ARHGEF28: variants seen among roughly 807,000 people sequenced by gnomAD.
ARHGEF28 encodes Rho guanine nucleotide exchange factor 28, also known as 190 kDa guanine nucleotide exchange factor.
A neutral mutation model predicts 206.6 loss-of-function variants in ARHGEF28; 152 were observed. That is an observed-to-expected ratio of 0.74 (90% CI 0.64 to 0.84). The LOEUF (loss-of-function observed/expected upper bound fraction) is 0.84, where lower values mean the gene tolerates loss of function less well. Ranked by LOEUF, ARHGEF28 falls within the 40% of genes least tolerant of loss-of-function variation. ARHGEF28 has a pLI of 0.00. For synonymous variants in ARHGEF28, 763 were observed against 776.4 expected, an observed-to-expected ratio of 0.98 and a Z score of 0.29; for missense variants, 2,028 against 2,073.2, an observed-to-expected ratio of 0.98 and a Z score of 0.42.
chr5:73,790,440 G>A (rs1462986053), intron 7 of ARHGEF28, among the ~76,000 whole-genome samples: 5 of 152,122 alleles, frequency 3.3e-5, no homozygotes, highest in Admixed American at 6.6e-5. Flanking sequence ...AAAATGATAT[G>A]CCAAGGAGCA....
chr5:73,914,870 A>T (rs1382881808), intron 35 of ARHGEF28, among the ~76,000 whole-genome samples: 2 of 152,176 alleles, frequency 1.3e-5, no homozygotes, highest in Admixed American at 6.5e-5. Context: ...CAGCCTCCTG[A>T]GTAGATGGGA....
intron 2 of ARHGEF28, among the ~76,000 whole-genome samples, chr5:73,685,737 C>T (rs1201460535): frequency 6.6e-6 from 1 of 152,178 alleles, no homozygotes; most frequent in Non-Finnish European, 1.5e-5. Flanking sequence ...ATTCCCCTGC[C>T]TCAGCCTCCC....
At chr5:73,892,825 G>A (rs2112687441) in intron 27 of ARHGEF28, among the ~76,000 whole-genome samples, 1 of 152,276 alleles carries the variant, frequency 6.6e-6, no homozygotes, top group South Asian at 2.1e-4. Context: ...AGTTTGATTA[G>A]TTAGATCCTG....
At chr5:73,909,195 T>C in intron 33 of ARHGEF28, 4 of 501,280 alleles carry the variant, frequency 8.0e-6, no homozygotes, top group Non-Finnish European at 9.9e-6. Flanking sequence ...TTCTTTTCTC[T>C]ATAAATTCAC....
intron 4 of ARHGEF28, among the ~76,000 whole-genome samples, chr5:73,767,325 G>A (rs772608617): frequency 6.6e-6 from 1 of 152,084 alleles, no homozygotes; most frequent in Non-Finnish European, 1.5e-5. Context: ...AACAGGCAGG[G>A]GTTGGAACAA....
chr5:73,782,482 T>G (rs1753907910), intron 7 of ARHGEF28, among the ~76,000 whole-genome samples: 1 of 151,844 alleles, frequency 6.6e-6, no homozygotes, highest in South Asian at 2.1e-4. Context: ...AAAAAACTAG[T>G]GTTAGAGAAG....
intron 2 of ARHGEF28, among the ~76,000 whole-genome samples, chr5:73,709,035 G>A (rs889906610): frequency 1.3e-5 from 2 of 152,026 alleles, no homozygotes; most frequent in African/African-American, 4.8e-5. Context: ...TTTGAATGGG[G>A]TTATTTGTTT....
At chr5:73,761,668 A>C (rs945449562) in intron 4 of ARHGEF28, among the ~76,000 whole-genome samples, 4 of 152,114 alleles carry the variant, frequency 2.6e-5, no homozygotes, top group African/African-American at 9.7e-5. Context: ...CCATATACCT[A>C]CTGTCCTTTT....
At chr5:73,855,797 T>C (rs1186107404) in intron 14 of ARHGEF28, among the ~76,000 whole-genome samples, 1 of 152,092 alleles carries the variant, frequency 6.6e-6, no homozygotes, top group Non-Finnish European at 1.5e-5. Flanking sequence ...AAATTGTGCA[T>C]TTGTAAGTTT....
intron 4 of ARHGEF28, among the ~76,000 whole-genome samples, chr5:73,768,216 C>T (rs1753016020): frequency 6.6e-6 from 1 of 152,224 alleles, no homozygotes; most frequent in East Asian, 1.9e-4. Flanking sequence ...TGGGACCCCC[C>T]ACACAGAGTT....
intron 1 of ARHGEF28, among the ~76,000 whole-genome samples, chr5:73,661,893 G>T (rs1745617776): frequency 6.6e-6 from 1 of 152,174 alleles, no homozygotes; most frequent in African/African-American, 2.4e-5. Flanking sequence ...TTTTCAAAAT[G>T]TGACACAGAG....
intron 9 of ARHGEF28, among the ~76,000 whole-genome samples, chr5:73,816,900 C>G (rs1756248175): frequency 6.6e-6 from 1 of 152,150 alleles, no homozygotes; most frequent in South Asian, 2.1e-4. Flanking sequence ...TGGAGTGGGC[C>G]AGAATCCATT....
chr5:73,932,303 C>T (rs533701290), intron 35 of ARHGEF28, among the ~76,000 whole-genome samples: 19 of 152,250 alleles, frequency 1.2e-4, no homozygotes, highest in East Asian at 1.2e-3. Context: ...GAAGTTACCG[C>T]GTTAGCCTAG....
At chr5:73,897,822 TA>T (rs1561495100) in intron 29 of ARHGEF28, 139 bp from the exon 30 acceptor site, 1 of 976,098 alleles carries the variant, frequency 1.0e-6, no homozygotes, top group Non-Finnish European at 1.4e-6. Context: ...TGACAACCTT[TA>T]AAAATGTAAA....
chr5:73,710,150 A>G (rs1749157064), intron 2 of ARHGEF28, among the ~76,000 whole-genome samples: 1 of 152,236 alleles, frequency 6.6e-6, no homozygotes, highest in Non-Finnish European at 1.5e-5. Context: ...TTTCCAAAGT[A>G]GCTGTTTTGT....
At chr5:73,764,432 A>C (rs905503967) in intron 4 of ARHGEF28, among the ~76,000 whole-genome samples, 1 of 152,264 alleles carries the variant, frequency 6.6e-6, no homozygotes, top group African/African-American at 2.4e-5. Flanking sequence ...TCGTTCCACA[A>C]GCTAAAATAA....
At chr5:73,907,367 T>C (rs1348911457) in intron 33 of ARHGEF28, among the ~76,000 whole-genome samples, 1 of 152,212 alleles carries the variant, frequency 6.6e-6, no homozygotes, top group African/African-American at 2.4e-5. Context: ...AATGACCTAA[T>C]TTTTGCAACA....
intron 11 of ARHGEF28, among the ~76,000 whole-genome samples, chr5:73,845,390 C>T (rs561173982): frequency 6.6e-6 from 1 of 152,214 alleles, no homozygotes; most frequent in African/African-American, 2.4e-5. Context: ...CGACTCACTT[C>T]TGAACTGTGT....
At chr5:73,819,325 A>G (rs946178309) in intron 9 of ARHGEF28, among the ~76,000 whole-genome samples, 6 of 152,186 alleles carry the variant, frequency 3.9e-5, no homozygotes, top group African/African-American at 1.4e-4. Context: ...ATAGGTCCAA[A>G]TGACGCTGCC....
Sources: allele counts gnomAD v4.1 joint callset (sites outside exome capture counted in the v4.1 genomes callset), GRCh38; gene constraint gnomAD v4.1.1; transcripts MANE v1.5; gene names NCBI Gene and HGNC (gene_info 2026-07-23, HGNC 2026-07-21).